Variants in SMG6 observed in about 807,000 individuals in gnomAD.
The protein encoded by SMG6 is telomerase-binding protein EST1A.
In SMG6, 66 loss-of-function variants were observed where a neutral mutation model predicts 142.2. The ratio of observed to expected loss-of-function variants is 0.46; its 90% CI spans 0.38 to 0.57. The LOEUF is 0.57. Among genes scored for constraint, SMG6 ranks in the 20% least tolerant of loss-of-function variants. SMG6 has a pLI of 0.00. For synonymous variants in SMG6, 779 were observed against 702.4 expected (o/e 1.11, Z -1.72); for missense variants, 1,793 against 1,832.0 (o/e 0.98, Z 0.39).
At chr17:2,287,771 T>C (rs1297126436) in intron 6 of SMG6, among the ~76,000 whole-genome samples, 2 of 152,182 alleles carry the variant, frequency 1.3e-5, no homozygotes, top group African/African-American at 4.8e-5. Flanking sequence ...CTTGAGGACC[T>C]AAGCTAAGTG....
At chr17:2,114,801 C>T (rs1408249499) in intron 13 of SMG6, among the ~76,000 whole-genome samples, 2 of 151,400 alleles carry the variant, frequency 1.3e-5, no homozygotes, top group Non-Finnish European at 1.5e-5. Context: ...TGGTGGCAGG[C>T]GCCTGTAATC....
chr17:2,188,304 G>T (rs1597556530), intron 11 of SMG6, 95 bp downstream of exon 11: 5 of 973,430 alleles, frequency 5.1e-6, no homozygotes, highest in South Asian at 2.9e-5. Context: ...GGAGACTACA[G>T]GGAGAAGACA....
intron 13 of SMG6, among the ~76,000 whole-genome samples, chr17:2,137,148 C>G (rs888056878): frequency 6.6e-6 from 1 of 152,108 alleles, no homozygotes; most frequent in Non-Finnish European, 1.5e-5. Context: ...GCCTGGGTGA[C>G]AGAGTGAGAC....
At chr17:2,088,513 A>G in intron 13 of SMG6, 1 of 985,430 alleles carries the variant, frequency 1.0e-6, no homozygotes, top group African/African-American at 1.7e-5. Context: ...TCTCTAGGAC[A>G]AGGACAACTG....
intron 13 of SMG6, among the ~76,000 whole-genome samples, chr17:2,117,133 C>T (rs536664065): frequency 2.0e-5 from 3 of 148,554 alleles, no homozygotes; most frequent in Non-Finnish European, 4.4e-5. Context: ...CTCTCTCTGT[C>T]GCCCAGTGTG....
chr17:2,253,778 T>A (rs2074102346), intron 8 of SMG6, among the ~76,000 whole-genome samples: 1 of 152,178 alleles, frequency 6.6e-6, no homozygotes, highest in Non-Finnish European at 1.5e-5. Flanking sequence ...TCCCATTCTA[T>A]GATAGCACAA....
At position 2,299,854 on chromosome 17, in the gene SMG6, G is replaced by A. The variant is rs780482363; in HGVS notation, c.899C>T (p.Ser300Leu). ...PRLKKQVSVSSTDSLDEDRID... is the reference protein window; with the variant it reads ...PRLKKQVSVSLTDSLDEDRID... ...TCTGTCCTCGTCTAAGGAATCGGTT[G>A]AGGACACAGACACTTGCTTCTTCAG... is the stretch of plus-strand genomic sequence containing the variant. The change falls in exon 2 of 19, where the codon TCA becomes TTA. Residue 300 changes from serine (S) to leucine (L), a missense_variant. This residue lies in a region of SMG6 where 1,597 missense variants were observed against 1,584.6 expected (regional missense o/e 1.01). Coordinates refer to ENST00000263073, the MANE Select transcript of SMG6 (RefSeq NM_017575.5). The surrounding 1 kb of genome is among the most constrained non-coding windows in gnomAD (Gnocchi z 4.3). 9.9e-6 allele frequency: 16 copies of A among 1,614,020 alleles called. No homozygotes were observed. The highest frequency in any genetic ancestry group is 1.3e-5 in the Non-Finnish European group (15 of 1,179,994).
intron 8 of SMG6, among the ~76,000 whole-genome samples, chr17:2,261,842 C>T (rs2074322584): frequency 6.6e-6 from 1 of 152,162 alleles, no homozygotes; most frequent in African/African-American, 2.4e-5. Flanking sequence ...ACTATTAGTG[C>T]CTTATTCAAC....
chr17:2,294,626 G>A (rs150950360), intron 4 of SMG6, among the ~76,000 whole-genome samples: 6 of 152,114 alleles, frequency 3.9e-5, no homozygotes, highest in South Asian at 2.1e-4. Context: ...TGAAGCTTTC[G>A]GCCTTCAGCG....
At chr17:2,179,068 C>T (rs1339131578) in intron 12 of SMG6, among the ~76,000 whole-genome samples, 1 of 152,178 alleles carries the variant, frequency 6.6e-6, no homozygotes, top group Non-Finnish European at 1.5e-5. Context: ...GACAGGGGCT[C>T]CTGCCGTGGG....
intron 13 of SMG6, among the ~76,000 whole-genome samples, chr17:2,139,884 C>T (rs185861781): frequency 1.3e-5 from 2 of 151,986 alleles, no homozygotes; most frequent in South Asian, 2.1e-4. Context: ...TGCCACCATA[C>T]CCGGCTAATT....
intron 13 of SMG6, among the ~76,000 whole-genome samples, chr17:2,153,248 C>T (rs977102656): frequency 9.9e-5 from 15 of 152,134 alleles, no homozygotes; most frequent in African/African-American, 3.4e-4. Context: ...TCCAATGTGG[C>T]CCAGGGAAGC....
At chr17:2,182,428 C>T (rs960743883) in intron 12 of SMG6, among the ~76,000 whole-genome samples, 5 of 152,084 alleles carry the variant, frequency 3.3e-5, no homozygotes, top group Admixed American at 6.5e-5. Context: ...GCTGTGAGTG[C>T]CGCCCACACC....
intron 8 of SMG6, among the ~76,000 whole-genome samples, chr17:2,258,759 C>G (rs1826876375): frequency 6.6e-6 from 1 of 150,928 alleles, no homozygotes. Context: ...GATCACGCCA[C>G]TGCACTCCCA....
At chr17:2,292,815 A>C (rs1259463608) in intron 5 of SMG6, 56 bp downstream of exon 5, 22 of 1,525,370 alleles carry the variant, frequency 1.4e-5, no homozygotes, top group Non-Finnish European at 1.4e-5. Flanking sequence ...GCTCTTAGTA[A>C]GGCTTAGCTT....
intron 13 of SMG6, among the ~76,000 whole-genome samples, chr17:2,144,037 C>T (rs2151581102): frequency 6.9e-6 from 1 of 145,794 alleles, no homozygotes; most frequent in East Asian, 2.0e-4. Context: ...TAAGTGCATG[C>T]CACCACGGCC....
rs905331197 is a variant in SMG6, at chr17:2,071,868, C to G, written c.3682-2937G>C. On this transcript the variant is annotated intron_variant, in intron 15 of 18. Coordinates refer to ENST00000263073, the MANE Select transcript of SMG6 (RefSeq NM_017575.5). The surrounding 1 kb of genome is among the most constrained non-coding windows in gnomAD (Gnocchi z 5.6). ...TGCATTTCCGGCCCTTTCTGAGTGGCGCTGTGTGTGTGTGTGTGTTTAGCA... is the reference window on the plus strand; with the variant it reads ...TGCATTTCCGGCCCTTTCTGAGTGGGGCTGTGTGTGTGTGTGTGTTTAGCA... The G allele has an allele frequency of 2.6e-5, 4 of 151,732 alleles. No individual in the cohort carries two copies. Among genetic ancestry groups the G allele is most frequent in the African/African-American group, 9.7e-5 (4 of 41,310 alleles). 9.4% of individuals were successfully genotyped at this position (151,732 alleles called of 1,614,324 possible). A position where few individuals can be genotyped will look rare whatever the true frequency, so the allele number is the denominator to read the frequency against.
At chr17:2,260,274 C>T (rs2074282515) in intron 8 of SMG6, among the ~76,000 whole-genome samples, 1 of 152,222 alleles carries the variant, frequency 6.6e-6, no homozygotes, top group African/African-American at 2.4e-5. Flanking sequence ...GATTCCACAT[C>T]TGAGCTGAAC....
At chr17:2,082,251 G>T in intron 14 of SMG6, 1 of 340,990 alleles carries the variant, frequency 2.9e-6, no homozygotes, top group Non-Finnish European at 5.5e-6. Flanking sequence ...CACACTCTGT[G>T]TTCTTCCTGG....
Sources: allele counts gnomAD v4.1 joint callset (sites outside exome capture counted in the v4.1 genomes callset), GRCh38; gene constraint gnomAD v4.1.1; regional missense constraint gnomAD v4.1.1; non-coding constraint Gnocchi (gnomAD v3.1); transcripts MANE v1.5; gene names NCBI Gene and HGNC (gene_info 2026-07-23, HGNC 2026-07-21).